SIAE: variants seen among roughly 807,000 people sequenced by gnomAD.
SIAE encodes sialate O-acetylesterase.
In SIAE, 39 loss-of-function variants were observed where a neutral mutation model predicts 52.6. That is an observed-to-expected ratio of 0.74 (90% CI 0.57 to 0.97). SIAE has a LOEUF of 0.97. Among genes scored for constraint, SIAE ranks in the 50% least tolerant of loss-of-function variants. SIAE has a pLI of 0.00. For synonymous variants in SIAE, 233 were observed against 241.4 expected (o/e 0.97, Z 0.32); for missense variants, 592 against 662.1 (o/e 0.89, Z 1.16).
chr11:124,654,735 A>G lies in SIAE; in HGVS notation c.464T>C (p.Leu155Pro). The G allele has an allele frequency of 6.2e-7, 1 of 1,614,150 alleles. No individual in the cohort carries two copies. Among genetic ancestry groups the G allele is most frequent in the South Asian group, 1.1e-5 (1 of 91,080 alleles). Residue 155 changes from leucine (L) to proline (P), a missense_variant, in exon 4 of 10, where the codon CTC (leucine) becomes CCC (proline). Transcript: ENST00000263593. The part of the protein sequence containing the change: ...NTAAYQSVRI[L>P]SVSPIQAEQE... The stretch of plus-strand genomic sequence containing the variant: ...CTCTGCTTGAATGGGAGAGACAGAG[A>G]GGATGCGGACAGACTGATATGCCGC...
rs182945431 is a variant in SIAE, at chr11:124,654,549, A to G, written c.544+106T>C. ...AGTCAATAAGAAAGGAATAAAAGGCATGAGTAATAATAAATAGACACATAA... is the reference window on the plus strand; with the variant it reads ...AGTCAATAAGAAAGGAATAAAAGGCGTGAGTAATAATAAATAGACACATAA... On this transcript the variant is annotated intron_variant, in intron 4 of 9. Coordinates refer to ENST00000263593, the MANE Select transcript of SIAE (RefSeq NM_170601.5). The G allele has an allele frequency of 1.5e-3, 2,411 of 1,606,672 alleles. 3 individuals carry two copies. Among genetic ancestry groups the G allele is most frequent in the Non-Finnish European group, 1.9e-3 (2,247 of 1,177,992 alleles).
At chr11:124,660,480 A>G (rs1338452623) in intron 3 of SIAE, 148 bp downstream of exon 3, 2 of 772,704 alleles carry the variant, frequency 2.6e-6, no homozygotes, top group Non-Finnish European at 4.5e-6. Flanking sequence ...AAATTAATGA[A>G]TTCATTCAAA....
chr11:124,638,805 G>A (rs77343428), intron 8 of SIAE, 68 bp from the exon 9 acceptor site: 18,814 of 1,283,374 alleles, frequency 0.015, 194 homozygotes, highest in Middle Eastern at 0.023. Flanking sequence ...TTTTTAAAAG[G>A]GGGATTATAC....
intron 3 of SIAE, chr11:124,660,363 T>A (rs1943168482): frequency 4.4e-6 from 2 of 458,382 alleles, no homozygotes; most frequent in Non-Finnish European, 8.1e-6. Context: ...GAGAAAGTGC[T>A]AGAGAAAACA....
At chr11:124,655,714 C>T (rs749030651) in intron 3 of SIAE, among the ~76,000 whole-genome samples, 5 of 152,144 alleles carry the variant, frequency 3.3e-5, no homozygotes, top group Non-Finnish European at 5.9e-5. Flanking sequence ...GAACCACACC[C>T]CCCCACACCA....
intron 4 of SIAE, among the ~76,000 whole-genome samples, chr11:124,652,281 G>C (rs199549954): frequency 1.3e-5 from 2 of 152,126 alleles, no homozygotes; most frequent in African/African-American, 4.8e-5. Context: ...ATGTGATTAA[G>C]GTTAGGGACC....
chr11:124,660,637 A>G lies in SIAE; in HGVS notation c.396T>C (p.Thr132=). Residue 132 remains threonine, a synonymous_variant, in exon 3 of 10, where the codon ACT becomes ACC. Coordinates refer to ENST00000263593, the MANE Select transcript of SIAE (RefSeq NM_170601.5). The part of the protein sequence containing the change: ...LCSGQSNMQM[T]VLQIFNATRE... ...AGACTCTGCAAATTACCTGTAACAC[A>G]GTCATCTGCATGTTACTCTGCCCAC... 2 of 1,614,062 alleles carry G rather than the reference A, an allele frequency of 1.2e-6. No homozygotes were observed. Among genetic ancestry groups the G allele is most frequent in the Non-Finnish European group, 1.7e-6 (2 of 1,179,948 alleles).
In SIAE at chr11:124,645,319, C is replaced by CTTT. The variant is rs903341369; in HGVS notation, c.966+2043_966+2045dup. 5.5e-5 allele frequency among the ~76,000 whole-genome samples: 8 copies of CTTT among 146,122 alleles called. No individual in the cohort carries two copies. Among genetic ancestry groups the CTTT allele is most frequent in the African/African-American group, 2.0e-4 (8 of 39,972 alleles). ...TCAGGTCTTTCTGATTGCTATATTT[C>CTTT]TTTTTTTTTTTTGAGACGGAGTTTC... On this transcript the variant is annotated intron_variant, in intron 7 of 9. Transcript: ENST00000263593. The surrounding 1 kb of genome is among the most constrained non-coding windows in gnomAD (Gnocchi z 4.7).
Position 124,647,361 on chromosome 11 carries a change from G to A in SIAE, c.966+4C>T, listed in dbSNP as rs747856625. On this transcript the variant is annotated splice_donor_region_variant and intron_variant, in intron 7 of 9. Transcript: ENST00000263593. ...GAACAGAGAAGCCTTTACCCACATC[G>A]TACCTGGACAAGTCCAAATGGGAAG... 8.1e-6 allele frequency: 13 copies of A among 1,614,014 alleles called. No individual in the cohort carries two copies. Among genetic ancestry groups the A allele is most frequent in the African/African-American group, 2.7e-5 (2 of 74,888 alleles).
At chr11:124,665,798 G>A (rs988439075) in intron 2 of SIAE, among the ~76,000 whole-genome samples, 1 of 152,068 alleles carries the variant, frequency 6.6e-6, no homozygotes, top group Non-Finnish European at 1.5e-5. Flanking sequence ...CAGCCTGGGT[G>A]ACAGAGCAAG....
At position 124,672,500 on chromosome 11, in the gene SIAE, T is replaced by C. The variant is rs11219754; in HGVS notation, c.67+1142A>G. The stretch of plus-strand genomic sequence containing the variant: ...ATGACTTAAAGGAAAAACGTCAGGA[T>C]ACGCAACCAAGTAGAGTACTAATGA... On this transcript the variant is annotated intron_variant, in intron 1 of 9. Coordinates refer to ENST00000263593, the MANE Select transcript of SIAE (RefSeq NM_170601.5). Among the ~76,000 whole-genome samples, 816 of 152,288 alleles carry C rather than the reference T, an allele frequency of 5.4e-3. 2 individuals carry two copies. The highest frequency in any genetic ancestry group is 0.018 in the African/African-American group (743 of 41,560).
chr11:124,638,515 C>A lies in SIAE; in HGVS notation c.1320+27G>T, dbSNP rs1331499384. 5 of 1,610,662 alleles carry A rather than the reference C, an allele frequency of 3.1e-6. 1 individual carries two copies. In the South Asian group the frequency reaches 3.3e-5, roughly 11 times the overall value. ...ATCTTGACTCCACCACAAAATGAAC[C>A]CCTGTTTATTCTGCTGTTCTTCTCA... On this transcript the variant is annotated intron_variant, in intron 9 of 9. Transcript: ENST00000263593.
At chr11:124,667,835 C>A (rs755814663) in intron 2 of SIAE, among the ~76,000 whole-genome samples, 1 of 152,138 alleles carries the variant, frequency 6.6e-6, no homozygotes, top group Non-Finnish European at 1.5e-5. Context: ...GAGACTCACT[C>A]CTTTGTAATA....
Position 124,668,912 on chromosome 11 carries a change from G to C in SIAE, c.229+448C>G, listed in dbSNP as rs1024222437. Among the ~76,000 whole-genome samples the C allele has an allele frequency of 2.0e-5, 3 of 152,092 alleles. No homozygotes were observed. The South Asian group carries it at 6.2e-4, about 31-fold the overall frequency. On this transcript the variant is annotated intron_variant, in intron 2 of 9. Coordinates refer to ENST00000263593, the MANE Select transcript of SIAE (RefSeq NM_170601.5). ...GTTTTAAGACTTTTTAAGGTAAGAA[G>C]GTAAGAAGGTTGTTGGGCAAGGACT... is the stretch of plus-strand genomic sequence containing the variant.
intron 2 of SIAE, among the ~76,000 whole-genome samples, chr11:124,668,144 C>T (rs901946598): frequency 6.6e-6 from 1 of 152,206 alleles, no homozygotes; most frequent in African/African-American, 2.4e-5. Context: ...CCCAGTCACA[C>T]ACCCCCCAGT....
chr11:124,667,258 G>A (rs1218867547), intron 2 of SIAE, among the ~76,000 whole-genome samples: 1 of 152,144 alleles, frequency 6.6e-6, no homozygotes, highest in African/African-American at 2.4e-5. Flanking sequence ...AGAAAGCACT[G>A]AGAGTCCCTT....
rs1361046142 is a variant in SIAE, at chr11:124,673,580, A to T, written c.67+62T>A. On this transcript the variant is annotated intron_variant, in intron 1 of 9. Transcript: ENST00000263593. ...CGCGGATCCGTGTCCCGCAGAGGACACGGGGTCTCGGAGCCCGCACAGGCT... is the reference window on the plus strand; with the variant it reads ...CGCGGATCCGTGTCCCGCAGAGGACTCGGGGTCTCGGAGCCCGCACAGGCT... The T allele has an allele frequency of 8.3e-6, 13 of 1,566,142 alleles. No individual in the cohort carries two copies. In the East Asian group the frequency reaches 3.0e-4, roughly 36 times the overall value.
rs1217118119 is a variant in SIAE, at chr11:124,636,547, G to T, written c.*404C>A. 5 of 280,582 alleles carry T rather than the reference G, an allele frequency of 1.8e-5. No homozygotes were observed. Among genetic ancestry groups the T allele is most frequent in the African/African-American group, 4.4e-5 (2 of 45,538 alleles). 17.4% of individuals were successfully genotyped at this position (280,582 alleles called of 1,614,324 possible). On this transcript the variant is annotated 3_prime_UTR_variant, in exon 10 of 10. Transcript: ENST00000263593. ...GGGCCTGGTTAGTACTTGGATGGGAGAAATTTTATAAAGAACACATGAACA... is the reference window on the plus strand; with the variant it reads ...GGGCCTGGTTAGTACTTGGATGGGATAAATTTTATAAAGAACACATGAACA...
chr11:124,665,751 A>G (rs889608816), intron 2 of SIAE, among the ~76,000 whole-genome samples: 7 of 151,848 alleles, frequency 4.6e-5, no homozygotes, highest in Non-Finnish European at 1.0e-4. Flanking sequence ...CCTGGCAGGC[A>G]AAGGTTGCAG....
Sources: allele counts gnomAD v4.1 joint callset (sites outside exome capture counted in the v4.1 genomes callset), GRCh38; gene constraint gnomAD v4.1.1; non-coding constraint Gnocchi (gnomAD v3.1); transcripts MANE v1.5; gene names NCBI Gene and HGNC (gene_info 2026-07-23, HGNC 2026-07-21).